RALGPS1: variants seen among roughly 807,000 people sequenced by gnomAD.
RALGPS1 encodes the protein ras-specific guanine nucleotide-releasing factor RalGPS1.
RALGPS1 carries 19 observed loss-of-function variants against 78.8 expected under a neutral mutation model. The observed-to-expected ratio is 0.24, with a 90% CI of 0.17 to 0.35. RALGPS1 has a LOEUF of 0.35. Among genes scored for constraint, RALGPS1 ranks in the 10% least tolerant of loss-of-function variants. The probability of loss-of-function intolerance (pLI) is 1.00; values close to 1 mark genes in which losing one functional copy is unlikely to be tolerated. For synonymous variants in RALGPS1, 228 were observed against 256.3 expected, an observed-to-expected ratio of 0.89 and a Z score of 1.06; for missense variants, 454 against 688.3, an observed-to-expected ratio of 0.66 and a Z score of 3.81.
intron 8 of RALGPS1, among the ~76,000 whole-genome samples, chr9:127,078,973 A>G (rs2050929841): frequency 6.6e-6 from 1 of 152,180 alleles, no homozygotes. Flanking sequence ...CTAGCTGCAA[A>G]ATATGAACAA....
chr9:127,128,501 T>C (rs1203122537), intron 8 of RALGPS1, among the ~76,000 whole-genome samples: 3 of 152,230 alleles, frequency 2.0e-5, no homozygotes, highest in Non-Finnish European at 4.4e-5. Flanking sequence ...CCCAGTGAGG[T>C]TGGCCTGTGG....
intron 9 of RALGPS1, 59 bp downstream of exon 9, chr9:127,166,265 C>T (rs2059283837): frequency 6.3e-7 from 1 of 1,590,710 alleles, no homozygotes; most frequent in South Asian, 1.1e-5. Context: ...TGGGTCTTAC[C>T]AGTGAGAAAG....
At chr9:127,155,995 C>T (rs768452739) in intron 8 of RALGPS1, among the ~76,000 whole-genome samples, 2 of 151,844 alleles carry the variant, frequency 1.3e-5, no homozygotes, top group Non-Finnish European at 2.9e-5. Context: ...CCTGCAGTTT[C>T]ATACCCAAAG....
chr9:127,044,379 C>T (rs1052049410), intron 5 of RALGPS1, among the ~76,000 whole-genome samples: 5 of 152,058 alleles, frequency 3.3e-5, no homozygotes, highest in African/African-American at 1.2e-4. Flanking sequence ...GCCCCAGCCT[C>T]CTGAGTAGCT....
At chr9:127,005,059 G>GAGGA (rs1343607194) in intron 4 of RALGPS1, among the ~76,000 whole-genome samples, 1 of 152,248 alleles carries the variant, frequency 6.6e-6, no homozygotes, top group African/African-American at 2.4e-5. Flanking sequence ...GCCCGGAGCA[G>GAGGA]AGGAAGGAGA....
chr9:127,160,118 G>C (rs1483392869), intron 8 of RALGPS1, among the ~76,000 whole-genome samples: 1 of 152,222 alleles, frequency 6.6e-6, no homozygotes, highest in Non-Finnish European at 1.5e-5. Flanking sequence ...GTGAGTCTCT[G>C]GGCTTGTGGG....
intron 8 of RALGPS1, among the ~76,000 whole-genome samples, chr9:127,157,453 G>T (rs953378625): frequency 1.1e-4 from 17 of 151,984 alleles, no homozygotes; most frequent in African/African-American, 3.6e-4. Context: ...TTAGTAAAAT[G>T]GATGCTTTGG....
chr9:127,050,185 C>G, intron 6 of RALGPS1, 53 bp downstream of exon 6: 1 of 1,381,048 alleles, frequency 7.2e-7, no homozygotes, highest in Non-Finnish European at 1.0e-6. Flanking sequence ...TCCCACACCT[C>G]CTCCCCAAAA....
At chr9:126,919,792 G>C (rs1043980146) in intron 1 of RALGPS1, among the ~76,000 whole-genome samples, 1 of 152,172 alleles carries the variant, frequency 6.6e-6, no homozygotes, top group Admixed American at 6.5e-5. Flanking sequence ...TAAAGTCCTT[G>C]CCTTTGAGGT....
At chr9:127,199,904 A>G (rs539420102) in intron 14 of RALGPS1, among the ~76,000 whole-genome samples, 11 of 152,144 alleles carry the variant, frequency 7.2e-5, no homozygotes, top group Non-Finnish European at 1.5e-4. Context: ...CTGGGCACAC[A>G]CACACACGTA....
intron 1 of RALGPS1, among the ~76,000 whole-genome samples, chr9:126,958,142 A>AATATATAT (rs1554765218): frequency 1.6e-4 from 12 of 77,064 alleles, no homozygotes; most frequent in South Asian, 5.2e-4. Flanking sequence ...AAAAAAAAAA[A>AATATATAT]ATATATATAT....
chr9:127,005,082 TGTGTCAAGTGATGTGATTTCTAGAGTA>T (rs2043710651), intron 4 of RALGPS1, among the ~76,000 whole-genome samples: 1 of 152,218 alleles, frequency 6.6e-6, no homozygotes, highest in Non-Finnish European at 1.5e-5. Context: ...AAGCAGTTCC[TGTGTCAAGTGATGTGATTTCTAGAGTA>T]GCTCACCTGT....
At chr9:127,114,748 T>C (rs2055219342) in intron 8 of RALGPS1, among the ~76,000 whole-genome samples, 1 of 152,228 alleles carries the variant, frequency 6.6e-6, no homozygotes, top group Non-Finnish European at 1.5e-5. Context: ...AGCGGGCCTC[T>C]GCCAAGGCAG....
intron 8 of RALGPS1, among the ~76,000 whole-genome samples, chr9:127,105,742 G>C (rs1233000766): frequency 5.9e-5 from 9 of 152,158 alleles, no homozygotes; most frequent in Admixed American, 1.3e-4. Flanking sequence ...TGATGTTAGG[G>C]ACTAGAAATC....
At chr9:127,155,139 G>T (rs1415357897) in intron 8 of RALGPS1, among the ~76,000 whole-genome samples, 2 of 152,142 alleles carry the variant, frequency 1.3e-5, no homozygotes, top group Non-Finnish European at 2.9e-5. Flanking sequence ...CCTGGCAACC[G>T]CAGCCACCCT....
chr9:127,146,536 A>C (rs887749438), intron 8 of RALGPS1, among the ~76,000 whole-genome samples: 1 of 140,224 alleles, frequency 7.1e-6, no homozygotes, highest in African/African-American at 2.7e-5. Flanking sequence ...ATGTGAGTGC[A>C]TGTGTCTTTT....
At chr9:126,930,919 T>C (rs755615198) in intron 1 of RALGPS1, among the ~76,000 whole-genome samples, 1 of 152,254 alleles carries the variant, frequency 6.6e-6, no homozygotes, top group Non-Finnish European at 1.5e-5. Flanking sequence ...TTAACTCTTA[T>C]CACTCTCCTT....
chr9:127,084,369 T>TGCTCCCTCCCTGGAGTAATGTATA (rs2051478324), intron 8 of RALGPS1, among the ~76,000 whole-genome samples: 1 of 152,160 alleles, frequency 6.6e-6, no homozygotes, highest in South Asian at 2.1e-4. Flanking sequence ...TCAGAGCTCG[T>TGCTCCCTCCCTGGAGTAATGTATA]GCTCCCTCCC....
intron 6 of RALGPS1, among the ~76,000 whole-genome samples, chr9:127,050,367 T>C (rs1053024455): frequency 1.3e-5 from 2 of 152,146 alleles, no homozygotes; most frequent in African/African-American, 4.8e-5. Flanking sequence ...CCACACCCTA[T>C]AATTTTAGTG....
Sources: allele counts gnomAD v4.1 joint callset (sites outside exome capture counted in the v4.1 genomes callset), GRCh38; gene constraint gnomAD v4.1.1; transcripts MANE v1.5; gene names NCBI Gene and HGNC (gene_info 2026-07-23, HGNC 2026-07-21).